The following B4GALNT3 variants were observed in gnomAD, a reference collection of about 807,000 sequenced individuals.
B4GALNT3 encodes the protein beta-1,4-N-acetylgalactosaminyltransferase 3.
Under a neutral mutation model 120.2 loss-of-function variants are expected in B4GALNT3, and 86 were observed. That is an observed-to-expected ratio of 0.72 (90% CI 0.60 to 0.86). B4GALNT3 has a LOEUF of 0.86. B4GALNT3 is among the 40% of genes least tolerant of loss of function. The pLI, the probability that B4GALNT3 is intolerant of heterozygous loss-of-function variation, is 0.00. For synonymous variants in B4GALNT3, 518 were observed against 510.4 expected, an observed-to-expected ratio of 1.01 and a Z score of -0.20; for missense variants, 1,167 against 1,298.9, an observed-to-expected ratio of 0.90 and a Z score of 1.56.
At chr12:547,117 C>T (rs927728156) in intron 7 of B4GALNT3, among the ~76,000 whole-genome samples, 2 of 152,256 alleles carry the variant, frequency 1.3e-5, no homozygotes, top group African/African-American at 4.8e-5. Context: ...TCAGAGCGCC[C>T]CCTGGTGGCC....
intron 3 of B4GALNT3, 85 bp downstream of exon 3, chr12:536,380 C>T: frequency 8.9e-7 from 1 of 1,119,062 alleles, no homozygotes; most frequent in Non-Finnish European, 1.3e-6. Context: ...AGAAAACTTT[C>T]TACTAGGGAC....
chr12:521,545 G>A (rs538431415), intron 1 of B4GALNT3, among the ~76,000 whole-genome samples: 4 of 152,136 alleles, frequency 2.6e-5, no homozygotes, highest in African/African-American at 9.7e-5. Flanking sequence ...GGCCATGATG[G>A]TAACTGGAAG....
chr12:553,597 G>A lies in B4GALNT3; in HGVS notation c.1674G>A (p.Lys558=). The part of the protein sequence containing the change: ...RPRPAGDSPR[K]TQWLNQVESY... ...GGCCCGCTGGTGACAGCCCCAGGAA[G>A]ACTCAGTGGCTGAACCAGGTGGAGT... The change falls in exon 14 of 20, where the codon AAG becomes AAA. Residue 558 remains lysine (K), a synonymous_variant. Transcript: ENST00000266383. 6 of 1,614,018 alleles carry A rather than the reference G, an allele frequency of 3.7e-6. No homozygotes were observed. Among genetic ancestry groups the A allele is most frequent in the South Asian group, 2.2e-5 (2 of 91,090 alleles).
intron 1 of B4GALNT3, among the ~76,000 whole-genome samples, chr12:466,503 A>G (rs1241998824): frequency 3.3e-5 from 5 of 152,224 alleles, no homozygotes; most frequent in African/African-American, 9.6e-5. Flanking sequence ...GAGTTTTCAG[A>G]CAATTCTTTG....
intron 1 of B4GALNT3, among the ~76,000 whole-genome samples, chr12:492,093 A>T (rs1592020644): frequency 6.6e-6 from 1 of 151,710 alleles, no homozygotes; most frequent in East Asian, 1.9e-4. Flanking sequence ...GCCACCTCTC[A>T]CTGCTCCTTT....
At chr12:547,203 C>T (rs1402827653) in intron 7 of B4GALNT3, among the ~76,000 whole-genome samples, 1 of 151,946 alleles carries the variant, frequency 6.6e-6, no homozygotes, top group East Asian at 2.0e-4. Flanking sequence ...CTGGGAAGGA[C>T]GGGCGTGGGG....
chr12:526,926 GT>G (rs1161451794), intron 1 of B4GALNT3, among the ~76,000 whole-genome samples: 191 of 151,984 alleles, frequency 1.3e-3, no homozygotes, highest in African/African-American at 4.4e-3. Flanking sequence ...TTGTGTTTTT[GT>G]TTTTTGTTTG....
chr12:535,392 C>T, intron 2 of B4GALNT3, 123 bp downstream of exon 2: 1 of 751,546 alleles, frequency 1.3e-6, no homozygotes, highest in Non-Finnish European at 2.2e-6. Flanking sequence ...ATAAACAGCC[C>T]CCAGAGTCCT....
intron 9 of B4GALNT3, 43 bp from the exon 10 acceptor site, chr12:549,726 C>A: frequency 6.2e-7 from 1 of 1,612,690 alleles, no homozygotes; most frequent in South Asian, 1.1e-5. Context: ...CTGCTGCGCT[C>A]CAGGCCACAC....
chr12:474,718 G>C (rs1157430417), intron 1 of B4GALNT3, among the ~76,000 whole-genome samples: 2 of 152,068 alleles, frequency 1.3e-5, no homozygotes, highest in African/African-American at 2.4e-5. Context: ...TCAGCATTTT[G>C]GGAGGCTGAG....
At chr12:554,789 CAAAAAAA>C (rs57194028) in intron 14 of B4GALNT3, among the ~76,000 whole-genome samples, 97 of 33,002 alleles carry the variant, frequency 2.9e-3, no homozygotes, top group Admixed American at 1.4e-3. Flanking sequence ...GACTCCGTCT[CAAAAAAA>C]AAAAAAAAAA....
chr12:463,360 A>G (rs574104951), intron 1 of B4GALNT3, among the ~76,000 whole-genome samples: 8 of 152,310 alleles, frequency 5.3e-5, no homozygotes, highest in African/African-American at 1.9e-4. Context: ...GCAGAAGGAG[A>G]TACAACCACA....
At chr12:541,033 G>A (rs1946908985) in intron 3 of B4GALNT3, among the ~76,000 whole-genome samples, 1 of 152,222 alleles carries the variant, frequency 6.6e-6, no homozygotes, top group African/African-American at 2.4e-5. Flanking sequence ...GTGAGCCACC[G>A]TGCCCGGCAG....
chr12:546,676 T>G lies in B4GALNT3; in HGVS notation c.670T>G (p.Phe224Val). Reference sequence around the variant, plus strand: ...AAAGGAGTGGACCGCCCCGGGAGAGTTTGGGAAATTTCGGAGCCAAATTTC... The same window carrying G: ...AAAGGAGTGGACCGCCCCGGGAGAGGTTGGGAAATTTCGGAGCCAAATTTC... ...TGKEWTAPGE[F>V]GKFRSQISKP... is the part of the protein sequence containing the mutation. Residue 224 changes from phenylalanine (F) to valine (V), a missense_variant, in exon 7 of 20, where the codon TTT becomes GTT. By Grantham distance (50) the Phe-to-Val change is conservative. Transcript: ENST00000266383. The G allele has an allele frequency of 1.3e-6, 2 of 1,551,464 alleles. No homozygotes were observed. The highest frequency in any genetic ancestry group is 2.4e-5 in the South Asian group (2 of 84,052).
rs11063601 is a variant in B4GALNT3 at position 562,434 on chromosome 12, T to G, written c.*983T>G. On this transcript the variant is annotated 3_prime_UTR_variant, in exon 20 of 20. Transcript: ENST00000266383. The surrounding 1 kb of genome is among the most constrained non-coding windows in gnomAD (Gnocchi z 5.2). ...TGTGAGCCTCACAGTCCAGCTCCAC[T>G]GCAGACCTGCCCTTCTGCAGGGAGA... is the stretch of plus-strand genomic sequence containing the variant. 13,995 of 152,382 alleles carry G rather than the reference T, an allele frequency of 0.092. 708 individuals carry two copies. The highest frequency in any genetic ancestry group is 0.12 in the African/African-American group (4,866 of 41,530). The allele number at this position is 152,382 out of a possible 1,614,324, so 9.4% of individuals were successfully genotyped here.
chr12:504,166 A>G (rs976303426), intron 1 of B4GALNT3, among the ~76,000 whole-genome samples: 34 of 152,068 alleles, frequency 2.2e-4, no homozygotes, highest in African/African-American at 8.0e-4. Flanking sequence ...CTTAAAAAGA[A>G]AGAAAAGTGA....
chr12:546,544 TTC>T, intron 6 of B4GALNT3, 100 bp from the exon 7 acceptor site: 1 of 1,061,178 alleles, frequency 9.4e-7, no homozygotes, highest in East Asian at 2.6e-5. Context: ...TCCTCCCTTT[TTC>T]TCTCACTTCT....
Position 460,413 on chromosome 12 carries a change from C to A in B4GALNT3, c.37C>A (p.Leu13Met), listed in dbSNP as rs1287065902. Reference sequence around the variant, plus strand: ...CCGGGCCGCGCGGCCCCCGCTGCTCCTGCGCCCGGTGAAGCTGCTGCGGAG... The same window carrying A: ...CCGGGCCGCGCGGCCCCCGCTGCTCATGCGCCCGGTGAAGCTGCTGCGGAG... Reference protein sequence around the residue: ...SPRAARPPLLLRPVKLLRRRF... With the variant: ...SPRAARPPLLMRPVKLLRRRF... The change falls in exon 1 of 20, where the codon CTG becomes ATG. Residue 13 changes from leucine (L) to methionine (M), a missense_variant. Coordinates refer to ENST00000266383, the MANE Select transcript of B4GALNT3 (RefSeq NM_173593.4). The surrounding 1 kb of genome is among the most constrained non-coding windows in gnomAD (Gnocchi z 8.0). 6.5e-7 allele frequency: 1 copy of A among 1,527,984 alleles called. No homozygotes were observed. Among genetic ancestry groups the A allele is most frequent in the Non-Finnish European group, 8.8e-7 (1 of 1,140,662 alleles). The allele number at this position is 1,527,984 out of a possible 1,614,324, so 94.7% of individuals were successfully genotyped here. A position where few individuals can be genotyped will look rare whatever the true frequency, so the allele number is the denominator to read the frequency against.
rs552737829 is a variant in B4GALNT3, at chr12:467,766, T to G, written c.169+7221T>G. 3.3e-5 allele frequency among the ~76,000 whole-genome samples: 5 copies of G among 152,320 alleles called. No individual in the cohort carries two copies. In the South Asian group the frequency reaches 1.0e-3, roughly 32 times the overall value. On this transcript the variant is annotated intron_variant, in intron 1 of 19. Transcript: ENST00000266383. Reference sequence around the variant, plus strand: ...CATAGTAGCCTCTGGAATTCTCCAGTAGCACCCTGCCAGGGTGGAGTTGAG... The same window carrying G: ...CATAGTAGCCTCTGGAATTCTCCAGGAGCACCCTGCCAGGGTGGAGTTGAG...
Sources: gnomAD v4.1 joint callset for allele counts (sites outside exome capture counted in the v4.1 genomes callset) on GRCh38, gnomAD v4.1.1 for gene constraint, Gnocchi (gnomAD v3.1) non-coding constraint, MANE v1.5 for transcripts, NCBI Gene and HGNC (gene_info 2026-07-23, HGNC 2026-07-21) for gene names.